Variants in MYO16 observed in about 807,000 individuals in gnomAD.
MYO16 encodes myosin XVI, also known as unconventional myosin-XVI.
Under a neutral mutation model 205.3 loss-of-function variants are expected in MYO16, and 94 were observed. The observed-to-expected ratio is 0.46, with a 90% CI of 0.39 to 0.54. The LOEUF is 0.54. MYO16 is among the 20% of genes least tolerant of loss of function. The pLI, the probability that MYO16 is intolerant of heterozygous loss-of-function variation, is 0.00. For missense variants in MYO16, 2,315 were observed against 2,387.5 expected (o/e 0.97, Z 0.63); for synonymous variants, 988 against 954.0 (o/e 1.04, Z -0.66).
chr13:108,632,723 A>G (rs1488827627), intron 1 of MYO16, among the ~76,000 whole-genome samples: 1 of 152,152 alleles, frequency 6.6e-6, no homozygotes, highest in Non-Finnish European at 1.5e-5. Flanking sequence ...TGGCCATTTC[A>G]TGTATCTTGG....
chr13:109,182,725 T>A (rs1280262088), intron 34 of MYO16, among the ~76,000 whole-genome samples: 1 of 152,244 alleles, frequency 6.6e-6, no homozygotes, highest in African/African-American at 2.4e-5. Context: ...CAAAACATTT[T>A]CTGATAGGGC....
chr13:108,951,292 G>C (rs1469653401), intron 16 of MYO16, among the ~76,000 whole-genome samples: 1 of 152,086 alleles, frequency 6.6e-6, no homozygotes, highest in East Asian at 1.9e-4. Flanking sequence ...TGGGACTTTT[G>C]TGACTAGCTC....
chr13:108,573,625 T>C, the MYO16 span, among the ~76,000 whole-genome samples: 1 of 152,200 alleles, frequency 6.6e-6, no homozygotes, highest in East Asian at 1.9e-4. Flanking sequence ...TTCTCCATTG[T>C]AGTCTGGGAG....
At chr13:108,562,380 T>C in the MYO16 span, among the ~76,000 whole-genome samples, 3 of 152,150 alleles carry the variant, frequency 2.0e-5, no homozygotes, top group African/African-American at 7.2e-5. Context: ...TACGAATATT[T>C]AGTCCTTTGC....
intron 1 of MYO16, among the ~76,000 whole-genome samples, chr13:108,647,326 C>G (rs1024662754): frequency 6.6e-6 from 1 of 152,150 alleles, no homozygotes; most frequent in East Asian, 1.9e-4. Flanking sequence ...TACCATGTCT[C>G]TCTATGAGCT....
At chr13:108,956,328 T>C (rs1418375414) in intron 16 of MYO16, among the ~76,000 whole-genome samples, 1 of 151,786 alleles carries the variant, frequency 6.6e-6, no homozygotes, top group African/African-American at 2.4e-5. Flanking sequence ...CCTTCCCCTC[T>C]CCCCATCCGT....
At chr13:109,085,673 A>G (rs1034501322) in intron 27 of MYO16, among the ~76,000 whole-genome samples, 5 of 152,232 alleles carry the variant, frequency 3.3e-5, no homozygotes, top group African/African-American at 1.2e-4. Context: ...TGTGTTTGTG[A>G]TCGCTAAAGA....
At chr13:108,899,913 T>C (rs187061457) in intron 15 of MYO16, among the ~76,000 whole-genome samples, 86 of 152,328 alleles carry the variant, frequency 5.6e-4, no homozygotes, top group African/African-American at 2.0e-3. Flanking sequence ...TGATGGAGAC[T>C]GCAGTTTAAC....
intron 25 of MYO16, among the ~76,000 whole-genome samples, chr13:109,053,529 T>C (rs1263095385): frequency 6.6e-6 from 1 of 151,964 alleles, no homozygotes; most frequent in Non-Finnish European, 1.5e-5. Flanking sequence ...CTTTTCTCAA[T>C]CATCCTAAAA....
intron 23 of MYO16, among the ~76,000 whole-genome samples, chr13:109,042,335 T>A (rs1006976460): frequency 6.6e-6 from 1 of 152,238 alleles, no homozygotes; most frequent in Non-Finnish European, 1.5e-5. Flanking sequence ...TACTTGGCTG[T>A]GTCCACTAGA....
chr13:108,507,988 T>G, the MYO16 span, among the ~76,000 whole-genome samples: 4 of 152,102 alleles, frequency 2.6e-5, no homozygotes, highest in Admixed American at 6.6e-5. Flanking sequence ...AAATTTTTTT[T>G]TAATGTGTAA....
chr13:108,844,950 T>C (rs185732036), intron 10 of MYO16, among the ~76,000 whole-genome samples: 1 of 152,248 alleles, frequency 6.6e-6, no homozygotes, highest in Admixed American at 6.5e-5. Flanking sequence ...GTTGCGTGTG[T>C]GTGTGTGCAT....
At chr13:109,108,931 C>T (rs752024568) in intron 28 of MYO16, among the ~76,000 whole-genome samples, 3 of 152,126 alleles carry the variant, frequency 2.0e-5, no homozygotes, top group Non-Finnish European at 4.4e-5. Flanking sequence ...CAGATGAGAA[C>T]GGGAGACAGG....
At chr13:108,703,316 T>C (rs895034595) in intron 2 of MYO16, among the ~76,000 whole-genome samples, 6 of 152,170 alleles carry the variant, frequency 3.9e-5, no homozygotes, top group Middle Eastern at 3.4e-3. Flanking sequence ...AAAATTGTTA[T>C]TAAAGAAAAA....
chr13:108,904,227 A>G (rs945625206), intron 15 of MYO16, among the ~76,000 whole-genome samples: 1 of 152,304 alleles, frequency 6.6e-6, no homozygotes, highest in South Asian at 2.1e-4. Flanking sequence ...CTTCTAGTCC[A>G]GTATTTTCCC....
intron 20 of MYO16, among the ~76,000 whole-genome samples, chr13:108,985,118 G>A (rs1018098287): frequency 2.0e-5 from 3 of 152,176 alleles, no homozygotes; most frequent in South Asian, 2.1e-4. Flanking sequence ...TTAAAAGAAT[G>A]TAGATATAAC....
intron 2 of MYO16, among the ~76,000 whole-genome samples, chr13:108,669,431 AAGG>A (rs1259087604): frequency 2.6e-5 from 4 of 152,158 alleles, no homozygotes; most frequent in African/African-American, 9.7e-5. Context: ...GAGCTCTTTA[AAGG>A]AGGTTTCTGT....
intron 33 of MYO16, among the ~76,000 whole-genome samples, chr13:109,173,461 G>C (rs954862598): frequency 1.3e-5 from 2 of 152,196 alleles, no homozygotes; most frequent in African/African-American, 4.8e-5. Context: ...ATTCAGAAAA[G>C]AAAGGAGCAC....
Position 109,100,895 on chromosome 13 carries a change from A to G in MYO16, c.3438+8A>G, listed in dbSNP as rs1888944219. 6.2e-7 allele frequency: 1 copy of G among 1,602,694 alleles called. No individual in the cohort carries two copies. The highest frequency in any genetic ancestry group is 1.3e-5 in the African/African-American group (1 of 74,740). ...AAATTACAAGGCTGGCAGGTTGGTG[A>G]CCTACAAGCTATGAAAATAACATTT... On this transcript the variant is annotated splice_region_variant and intron_variant, in intron 28 of 34. Transcript: ENST00000457511.
Sources: allele counts gnomAD v4.1 joint callset (sites outside exome capture counted in the v4.1 genomes callset), GRCh38; gene constraint gnomAD v4.1.1; transcripts MANE v1.5; gene names NCBI Gene and HGNC (gene_info 2026-07-23, HGNC 2026-07-21).